DAPK3: variants seen among roughly 807,000 people sequenced by gnomAD.
DAPK3 encodes death-associated protein kinase 3.
A neutral mutation model predicts 30.6 loss-of-function variants in DAPK3; 24 were observed. The observed-to-expected ratio is 0.78, with a 90% CI of 0.57 to 1.10. The LOEUF (loss-of-function observed/expected upper bound fraction) is 1.10, where lower values mean the gene tolerates loss of function less well. Among genes scored for constraint, DAPK3 ranks in the 50% least tolerant of loss-of-function variants. DAPK3 has a pLI of 0.00. For synonymous variants in DAPK3, 341 were observed against 284.0 expected (o/e 1.20, Z -2.02); for missense variants, 629 against 657.3 (o/e 0.96, Z 0.47).
At chr19:3,968,488 A>AT (rs1395376723) in intron 2 of DAPK3, among the ~76,000 whole-genome samples, 1 of 152,074 alleles carries the variant, frequency 6.6e-6, no homozygotes, top group African/African-American at 2.4e-5. Context: ...AAAAAAAAAA[A>AT]GGCTGTTATT....
At position 3,964,912 on chromosome 19, in the gene DAPK3, G is replaced by A. The variant is rs1310239166; in HGVS notation, c.142C>T (p.Arg48Cys). 1.9e-6 allele frequency: 3 copies of A among 1,612,180 alleles called. No individual in the cohort carries two copies. The highest frequency in any genetic ancestry group is 1.7e-6 in the Non-Finnish European group (2 of 1,178,476). The change falls in exon 3 of 9, where the codon CGC (arginine) becomes TGC (cysteine). Residue 48 changes from arginine to cysteine, a missense_variant. Transcript: ENST00000545797. The part of the protein sequence containing the change: ...EYAAKFIKKR[R>C]LSSSRRGVSR... ...ACCCCACGCCGGCTGGATGACAGGC[G>A]GCGCTTCTTGATGAACTTGGCTGCG...
chr19:3,968,183 G>A (rs928643416), intron 2 of DAPK3, among the ~76,000 whole-genome samples: 2 of 152,162 alleles, frequency 1.3e-5, no homozygotes, highest in African/African-American at 4.8e-5. Flanking sequence ...CAGTGGTTTG[G>A]GGAAGGCCAT....
rs2039468728 is a variant in DAPK3 at position 3,958,863 on chromosome 19, G to A, written c.*238C>T. On this transcript the variant is annotated 3_prime_UTR_variant, in exon 9 of 9. Coordinates refer to ENST00000545797, the MANE Select transcript of DAPK3 (RefSeq NM_001348.3). Reference sequence around the variant, plus strand: ...CCTGGAGGGTCCCAGGGTCACCGACGATGCAGGGGTGAAGGTGAAGGCCAG... The same window carrying A: ...CCTGGAGGGTCCCAGGGTCACCGACAATGCAGGGGTGAAGGTGAAGGCCAG... The A allele has an allele frequency of 1.7e-6, 1 of 581,402 alleles. No individual in the cohort carries two copies. The highest frequency in any genetic ancestry group is 3.1e-6 in the Non-Finnish European group (1 of 327,580). 36.0% of individuals were successfully genotyped at this position (581,402 alleles called of 1,614,324 possible).
chr19:3,970,404 CA>C (rs1411999885), intron 1 of DAPK3, among the ~76,000 whole-genome samples: 1 of 152,120 alleles, frequency 6.6e-6, no homozygotes, highest in Non-Finnish European at 1.5e-5. Context: ...CCATTCCGAT[CA>C]AAATTCCCAA....
At chr19:3,960,823 A>AC (rs2039502497) in intron 7 of DAPK3, among the ~76,000 whole-genome samples, 186 bp downstream of exon 7, 2 of 150,166 alleles carry the variant, frequency 1.3e-5, no homozygotes, top group Non-Finnish European at 3.0e-5. Flanking sequence ...AAAAAAAAAA[A>AC]ACCATGGCAA....
At chr19:3,962,196 C>G (rs1046001924) in intron 6 of DAPK3, among the ~76,000 whole-genome samples, 1 of 152,168 alleles carries the variant, frequency 6.6e-6, no homozygotes, top group Non-Finnish European at 1.5e-5. Context: ...CCAAGGCTAA[C>G]GTCTTGGTGT....
At chr19:3,966,309 G>A (rs1388416934) in intron 2 of DAPK3, among the ~76,000 whole-genome samples, 1 of 152,116 alleles carries the variant, frequency 6.6e-6, no homozygotes, top group Non-Finnish European at 1.5e-5. Flanking sequence ...GCTGTCCCAG[G>A]GCAGCCTTTG....
At chr19:3,964,567 TTCCCCGCCCCA>T in intron 3 of DAPK3, 53 bp downstream of exon 3, 2 of 1,351,868 alleles carry the variant, frequency 1.5e-6, no homozygotes, top group Non-Finnish European at 9.8e-7. Flanking sequence ...TTCCAGGCTC[TTCCCCGCCCCA>T]TCCCCACCCC....
At position 3,964,826 on chromosome 19, in the gene DAPK3, G is replaced by A; in HGVS notation, c.228C>T (p.Ile76=). Residue 76 remains isoleucine (I), a synonymous_variant, in exon 3 of 9, where the codon ATC becomes ATT. Coordinates refer to ENST00000545797, the MANE Select transcript of DAPK3 (RefSeq NM_001348.3). ...TCTCGAAGATGTCGTGCAGGGTGAT[G>A]ATGTTGGGGTGCCGGATCTCCCGCA... ...NILREIRHPN[I]ITLHDIFENK... 1 of 1,612,924 alleles carries A rather than the reference G, an allele frequency of 6.2e-7. No individual in the cohort carries two copies. The highest frequency in any genetic ancestry group is 1.1e-5 in the South Asian group (1 of 91,046).
At chr19:3,961,465 C>T (rs559531488) in intron 6 of DAPK3, 5 of 557,926 alleles carry the variant, frequency 9.0e-6, no homozygotes, top group Admixed American at 7.7e-5. Context: ...TCAGTAACGC[C>T]GAGGGGAGGG....
At chr19:3,966,973 C>T (rs1029744755) in intron 2 of DAPK3, among the ~76,000 whole-genome samples, 2 of 152,208 alleles carry the variant, frequency 1.3e-5, no homozygotes, top group African/African-American at 4.8e-5. Flanking sequence ...TGAGCCCACC[C>T]TCTTCGCTTC....
chr19:3,970,410 T>C (rs1187706157), intron 1 of DAPK3, among the ~76,000 whole-genome samples: 1 of 151,978 alleles, frequency 6.6e-6, no homozygotes, highest in Non-Finnish European at 1.5e-5. Context: ...CGATCAAAAT[T>C]CCCAAGTTAC....
At chr19:3,963,732 G>T in intron 5 of DAPK3, 63 bp from the exon 6 acceptor site, 1 of 1,387,178 alleles carries the variant, frequency 7.2e-7, no homozygotes, top group Non-Finnish European at 9.9e-7. Context: ...CCAGGACCGT[G>T]GCGTCCAGCG....
In DAPK3 at chr19:3,964,794, G is replaced by A. The variant is rs1350688281; in HGVS notation, c.260C>T (p.Thr87Met). 3.7e-5 allele frequency: 59 copies of A among 1,611,226 alleles called. No individual in the cohort carries two copies. The highest frequency in any genetic ancestry group is 4.7e-5 in the Non-Finnish European group (55 of 1,177,740). Residue 87 changes from threonine to methionine, a missense_variant, in exon 3 of 9, where the codon ACG (threonine) becomes ATG (methionine). Around this residue, in one of 2 missense-constraint regions of DAPK3, gnomAD observed 306 missense variants for 378.5 expected, o/e 0.81. Transcript: ENST00000545797. Reference protein sequence around the residue: ...ITLHDIFENKTDVVLILELVS... With the variant: ...ITLHDIFENKMDVVLILELVS... ...CAGCTCCAGGATGAGGACCACGTCC[G>A]TCTTGTTCTCGAAGATGTCGTGCAG...
At position 3,969,704 on chromosome 19, in the gene DAPK3, T is replaced by C; in HGVS notation, c.32A>G (p.Asp11Gly). 1 of 1,612,150 alleles carries C rather than the reference T, an allele frequency of 6.2e-7. No individual in the cohort carries two copies. Among genetic ancestry groups the C allele is most frequent in the Non-Finnish European group, 8.5e-7 (1 of 1,179,042 alleles). MSTFRQEDVEDHYEMGEELGS... is the reference protein window; with the variant it reads MSTFRQEDVEGHYEMGEELGS... ...CAGCTCCTCCCCCATCTCATAATGG[T>C]CCTCCACGTCCTCCTGCCTGAACGT... Residue 11 changes from aspartate (D) to glycine (G), a missense_variant, in exon 2 of 9, where the codon GAC becomes GGC. Coordinates refer to ENST00000545797, the MANE Select transcript of DAPK3 (RefSeq NM_001348.3).
At chr19:3,965,176 CCCCACACCATCAGACGCGGCGTT>C (rs1432206675) in intron 2 of DAPK3, among the ~76,000 whole-genome samples, 185 bp from the exon 3 acceptor site, 5 of 152,228 alleles carry the variant, frequency 3.3e-5, no homozygotes, top group Non-Finnish European at 5.9e-5. Flanking sequence ...TTCCTTAGCG[CCCCACACCATCAGACGCGGCGTT>C]CCCACCCCTC....
chr19:3,968,147 A>G (rs997343564), intron 2 of DAPK3, among the ~76,000 whole-genome samples: 12 of 152,136 alleles, frequency 7.9e-5, no homozygotes, highest in African/African-American at 2.9e-4. Flanking sequence ...TCTTTTTACA[A>G]GCTGCATCCT....
intron 2 of DAPK3, among the ~76,000 whole-genome samples, chr19:3,967,618 G>A (rs184840145): frequency 3.3e-5 from 5 of 152,280 alleles, no homozygotes; most frequent in Admixed American, 6.5e-5. Context: ...AGCTGAGCAC[G>A]TTGGTGGGCG....
chr19:3,968,511 C>T (rs1229582622), intron 2 of DAPK3, among the ~76,000 whole-genome samples: 2 of 151,996 alleles, frequency 1.3e-5, no homozygotes, highest in Non-Finnish European at 2.9e-5. Context: ...GGTAAACGTT[C>T]TAGCAACTAC....
Sources: allele counts gnomAD v4.1 joint callset (sites outside exome capture counted in the v4.1 genomes callset), GRCh38; gene constraint gnomAD v4.1.1; regional missense constraint gnomAD v4.1.1; transcripts MANE v1.5; gene names NCBI Gene and HGNC (gene_info 2026-07-23, HGNC 2026-07-21).